Variants in EPS8L1 observed in about 807,000 individuals in gnomAD.
EPS8L1 encodes EPS8 signaling adaptor L1.
A neutral mutation model predicts 91.7 loss-of-function variants in EPS8L1; 101 were observed. That is an observed-to-expected ratio of 1.10 (90% confidence interval 0.94 to 1.30). EPS8L1 has a LOEUF of 1.30. Among genes scored for constraint, EPS8L1 ranks in the 50% most tolerant of loss-of-function variants. The pLI is 0.00. For missense variants in EPS8L1, 1,114 were observed against 1,017.0 expected (o/e 1.10, Z -1.30); for synonymous variants, 506 against 445.3 (o/e 1.14, Z -1.72).
chr19:55,083,305 T>C lies in EPS8L1; in HGVS notation c.1215-73T>C. 2 of 1,556,158 alleles carry C rather than the reference T, an allele frequency of 1.3e-6. No individual in the cohort carries two copies. The highest frequency in any genetic ancestry group is 1.7e-6 in the Non-Finnish European group (2 of 1,147,954). ...CAGCGAGCTTTAGGGGAAAACTTAG[T>C]GAAGTTAATGCAGGAACGAAGTTGG... On this transcript the variant is annotated intron_variant, in intron 12 of 19. Transcript: ENST00000201647. This position sits in a 1 kb window ranked among gnomAD's most constrained non-coding sequence, Gnocchi z 4.7.
In EPS8L1 at chr19:55,086,151, G is replaced by C; in HGVS notation, c.1609G>C (p.Gly537Arg). 2 of 1,605,878 alleles carry C rather than the reference G, an allele frequency of 1.2e-6. No homozygotes were observed. The highest frequency in any genetic ancestry group is 1.7e-6 in the Non-Finnish European group (2 of 1,175,358). Residue 537 changes from glycine to arginine, a missense_variant, in exon 16 of 20, where the codon GGA (glycine) becomes CGA (arginine). Gly to Arg is a moderately radical substitution (Grantham distance 125). Coordinates refer to ENST00000201647, the MANE Select transcript of EPS8L1 (RefSeq NM_133180.3). ...CTACAACATCCTGACACCCTACCCC[G>C]GACCCCGGCTGCACCACAGCCAAAG... is the stretch of plus-strand genomic sequence containing the variant. ...VPYNILTPYP[G>R]PRLHHSQSPA...
chr19:55,086,898 G>C lies in EPS8L1; in HGVS notation c.1952+10G>C. ...AGGGCTTTAGCTCCGGGTGAGTGGG[G>C]CCGGGGCCCTCTCGGCGCGGGTTGA... On this transcript the variant is annotated intron_variant, in intron 18 of 19. Transcript: ENST00000201647. 1.4e-6 allele frequency: 2 copies of C among 1,420,378 alleles called. No individual in the cohort carries two copies. Among genetic ancestry groups the C allele is most frequent in the Non-Finnish European group, 1.8e-6 (2 of 1,092,156 alleles). 88.0% of individuals were successfully genotyped at this position (1,420,378 alleles called of 1,614,324 possible).
At chr19:55,076,096 GC>G (rs2076120804) in intron 1 of EPS8L1, among the ~76,000 whole-genome samples, 177 bp downstream of exon 1, 1 of 115,802 alleles carries the variant, frequency 8.6e-6, no homozygotes, top group Non-Finnish European at 2.0e-5. Context: ...GGGAGGAGGG[GC>G]TGAGGGCCTG....
Position 55,081,582 on chromosome 19 carries a change from G to C in EPS8L1, c.774+90G>C. 7.1e-7 allele frequency: 1 copy of C among 1,410,332 alleles called. No individual in the cohort carries two copies. Among genetic ancestry groups the C allele is most frequent in the Non-Finnish European group, 9.3e-7 (1 of 1,074,192 alleles). The allele number at this position is 1,410,332 out of a possible 1,614,324, so 87.4% of individuals were successfully genotyped here. On this transcript the variant is annotated intron_variant, in intron 8 of 19. Transcript: ENST00000201647. The surrounding 1 kb of genome is among the most constrained non-coding windows in gnomAD (Gnocchi z 4.9). ...AAGGGCGGGGCCGGCTGCGGGACGG[G>C]CGTTCTCTGGTCAGACTTCTGCGTT... is the stretch of plus-strand genomic sequence containing the variant.
chr19:55,087,068 C>T (rs551143175), intron 18 of EPS8L1, 180 bp downstream of exon 18: 381 of 1,055,080 alleles, frequency 3.6e-4, no homozygotes, highest in Admixed American at 5.5e-4. Flanking sequence ...CATGTTTTTT[C>T]AGACTCCGAC....
intron 11 of EPS8L1, 44 bp from the exon 12 acceptor site, chr19:55,082,410 A>G: frequency 2.5e-6 from 4 of 1,611,990 alleles, no homozygotes; most frequent in Non-Finnish European, 3.4e-6. Context: ...TTCGACTTGT[A>G]GAAGGTGTGG....
chr19:55,083,572 G>C lies in EPS8L1; in HGVS notation c.1357-44G>C, dbSNP rs1412035273. On this transcript the variant is annotated intron_variant, in intron 13 of 19. Transcript: ENST00000201647. This position sits in a 1 kb window ranked among gnomAD's most constrained non-coding sequence, Gnocchi z 4.7. Reference sequence around the variant, plus strand: ...GGCTGGGAAGTCCGGGGGCGCGGCCGGTCCGCCTGGCCCCGCCTGACCCGA... The same window carrying C: ...GGCTGGGAAGTCCGGGGGCGCGGCCCGTCCGCCTGGCCCCGCCTGACCCGA... 6.3e-7 allele frequency: 1 copy of C among 1,594,440 alleles called. No homozygotes were observed. The highest frequency in any genetic ancestry group is 1.8e-5 in the Admixed American group (1 of 56,714).
chr19:55,085,405 T>C (rs2076343630), intron 14 of EPS8L1, among the ~76,000 whole-genome samples: 1 of 152,214 alleles, frequency 6.6e-6, no homozygotes, highest in Admixed American at 6.5e-5. Flanking sequence ...GACCTCATGA[T>C]CTGCCCGCCT....
rs1483223085 is a variant in EPS8L1 at position 55,078,233 on chromosome 19, T to C, written c.58+105T>C. ...AGGAGGGGCTGGGGGTCTGGACTCC[T>C]GAGTCAGAGGGAAGAGGTGCTGGGG... is the stretch of plus-strand genomic sequence containing the variant. On this transcript the variant is annotated intron_variant, in intron 3 of 19. Coordinates refer to ENST00000201647, the MANE Select transcript of EPS8L1 (RefSeq NM_133180.3). The C allele has an allele frequency of 1.4e-5, 12 of 851,484 alleles. No homozygotes were observed. The Admixed American group carries it at 2.7e-4, about 19-fold the overall frequency. The allele number at this position is 851,484 out of a possible 1,614,324, so 52.7% of individuals were successfully genotyped here.
intron 1 of EPS8L1, 41 bp downstream of exon 1, chr19:55,075,960 G>T: frequency 6.2e-6 from 1 of 160,724 alleles, no homozygotes; most frequent in South Asian, 1.8e-4. Context: ...GCCGGGGCTT[G>T]ACCAATGGGT....
chr19:55,079,657 G>A, intron 4 of EPS8L1, 33 bp from the exon 5 acceptor site: 1 of 1,602,072 alleles, frequency 6.2e-7, no homozygotes. Flanking sequence ...GCATCATCTT[G>A]GGCCTCACTG....
At position 55,079,165 on chromosome 19, in the gene EPS8L1, A is replaced by G. The variant is rs1050279827; in HGVS notation, c.117+108A>G. On this transcript the variant is annotated intron_variant, in intron 4 of 19. Coordinates refer to ENST00000201647, the MANE Select transcript of EPS8L1 (RefSeq NM_133180.3). ...GCCCCCAAGCAGGAAGCATGTGGAA[A>G]GTCAGTTTGCCCATCCATAAAATGG... 3.3e-6 allele frequency: 4 copies of G among 1,213,738 alleles called. No homozygotes were observed. The African/African-American group carries it at 6.0e-5, about 18-fold the overall frequency. The allele number at this position is 1,213,738 out of a possible 1,614,324, so 75.2% of individuals were successfully genotyped here. A position where few individuals can be genotyped will look rare whatever the true frequency, so the allele number is the denominator to read the frequency against.
chr19:55,081,264 G>T lies in EPS8L1; in HGVS notation c.546G>T (p.Ser182=), dbSNP rs759906386. 17 of 1,504,346 alleles carry T rather than the reference G, an allele frequency of 1.1e-5. No homozygotes were observed. In the South Asian group the frequency reaches 1.6e-4, roughly 15 times the overall value. The allele number at this position is 1,504,346 out of a possible 1,614,324, so 93.2% of individuals were successfully genotyped here. The stretch of plus-strand genomic sequence containing the variant: ...AGGAGGAGTTGCAGCGCGACCGCTC[G>T]CCCGCCGCTGAGACCCCGCCCCTGC... ...ATQEELQRDR[S]PAAETPPLQR... is the part of the protein sequence containing the mutation. The change falls in exon 8 of 20, where the codon TCG becomes TCT. Residue 182 remains serine, a synonymous_variant. Transcript: ENST00000201647. The surrounding 1 kb of genome is among the most constrained non-coding windows in gnomAD (Gnocchi z 4.9).
At position 55,083,971 on chromosome 19, in the gene EPS8L1, GT is replaced by G. The variant is rs1397634341; in HGVS notation, c.1385+331del. 39 of 578,838 alleles carry G rather than the reference GT, an allele frequency of 6.7e-5. No individual in the cohort carries two copies. In the East Asian group the frequency reaches 1.1e-3, roughly 17 times the overall value. 35.9% of individuals were successfully genotyped at this position (578,838 alleles called of 1,614,324 possible). ...CCAAAAGGCTGGAAGAAGCCAGTTT[GT>G]TTTCCCAGGGCCTGGGAAGCACCAT... On this transcript the variant is annotated intron_variant, in intron 14 of 19. Coordinates refer to ENST00000201647, the MANE Select transcript of EPS8L1 (RefSeq NM_133180.3). The surrounding 1 kb of genome is among the most constrained non-coding windows in gnomAD (Gnocchi z 4.7).
chr19:55,087,449 C>T lies in EPS8L1; in HGVS notation c.2085+14C>T. On this transcript the variant is annotated intron_variant, in intron 19 of 19. Coordinates refer to ENST00000201647, the MANE Select transcript of EPS8L1 (RefSeq NM_133180.3). ...TCGCTGCTGGAGGTGAGCCGGACCGCTGGTCCCTGGGTCTGGGTAGGGTTG... is the reference window on the plus strand; with the variant it reads ...TCGCTGCTGGAGGTGAGCCGGACCGTTGGTCCCTGGGTCTGGGTAGGGTTG... 6.2e-7 allele frequency: 1 copy of T among 1,614,156 alleles called. No homozygotes were observed. Among genetic ancestry groups the T allele is most frequent in the Non-Finnish European group, 8.5e-7 (1 of 1,180,012 alleles).
chr19:55,082,170 T>C lies in EPS8L1; in HGVS notation c.980T>C (p.Phe327Ser), dbSNP rs1283047947. 6.3e-7 allele frequency: 1 copy of C among 1,599,656 alleles called. No individual in the cohort carries two copies. Among genetic ancestry groups the C allele is most frequent in the South Asian group, 1.1e-5 (1 of 89,382 alleles). The change falls in exon 10 of 20, where the codon TTC (phenylalanine) becomes TCC (serine). Residue 327 changes from phenylalanine to serine, a missense_variant. Phe to Ser is a radical substitution (Grantham distance 155). Transcript: ENST00000201647. Reference sequence around the variant, plus strand: ...GTGCTGCAGAAGATCAAGTACGCCTTCAGCCTGCTGGTGAGGACGCGCCCG... The same window carrying C: ...GTGCTGCAGAAGATCAAGTACGCCTCCAGCCTGCTGGTGAGGACGCGCCCG... Reference protein sequence around the residue: ...TDVLQKIKYAFSLLARLRGNI... With the variant: ...TDVLQKIKYASSLLARLRGNI...
rs775274701 is a variant in EPS8L1 at position 55,086,464 on chromosome 19, A to G, written c.1723A>G (p.Arg575Gly). ...AGCTCTGGCTCGGCCCCGCTGGGAC[A>G]GGCCCCGCTGGGACAGCTGCGATAG... ...PPALARPRWD[R>G]PRWDSCDSLN... The change falls in exon 17 of 20, where the codon AGG (arginine) becomes GGG (glycine). Residue 575 changes from arginine to glycine, a missense_variant. By Grantham distance (125) the Arg-to-Gly change is moderately radical. Transcript: ENST00000201647. The G allele has an allele frequency of 1.3e-6, 2 of 1,552,062 alleles. No individual in the cohort carries two copies. Among genetic ancestry groups the G allele is most frequent in the Admixed American group, 3.9e-5 (2 of 51,038 alleles).
rs750377183 is a variant in EPS8L1, at chr19:55,081,755, C to G, written c.775-18C>G. Reference sequence around the variant, plus strand: ...TGGAACTCGGGAGCCCTGAGCGTCCCCCTCCTCTGTCCCCTAGGACATCCT... The same window carrying G: ...TGGAACTCGGGAGCCCTGAGCGTCCGCCTCCTCTGTCCCCTAGGACATCCT... On this transcript the variant is annotated intron_variant, in intron 8 of 19. Transcript: ENST00000201647. This position sits in a 1 kb window ranked among gnomAD's most constrained non-coding sequence, Gnocchi z 4.9. The G allele has an allele frequency of 1.3e-6, 2 of 1,591,126 alleles. No homozygotes were observed. Among genetic ancestry groups the G allele is most frequent in the Non-Finnish European group, 1.7e-6 (2 of 1,165,994 alleles).
chr19:55,078,158 C>A (rs1391650583), intron 3 of EPS8L1, 30 bp downstream of exon 3: 1 of 1,610,706 alleles, frequency 6.2e-7, no homozygotes, highest in South Asian at 1.1e-5. Flanking sequence ...GCCCCAGGCC[C>A]ATAGAACTGG....
Sources: gnomAD v4.1 joint callset for allele counts (sites outside exome capture counted in the v4.1 genomes callset) on GRCh38, gnomAD v4.1.1 for gene constraint, Gnocchi (gnomAD v3.1) non-coding constraint, MANE v1.5 for transcripts, NCBI Gene and HGNC (gene_info 2026-07-23, HGNC 2026-07-21) for gene names.